The following IL34 variants were observed in gnomAD, a reference collection of about 807,000 sequenced individuals.
IL34 encodes the protein interleukin-34.
In IL34, 17 loss-of-function variants were observed where a neutral mutation model predicts 25.3. The ratio of observed to expected loss-of-function variants is 0.67; its 90% CI spans 0.46 to 1.01. The LOEUF is 1.01. Among genes scored for constraint, IL34 ranks in the 50% least tolerant of loss-of-function variants. The probability of loss-of-function intolerance (pLI) is 0.00; values close to 1 mark genes in which losing one functional copy is unlikely to be tolerated. For missense variants in IL34, 368 were observed against 312.9 expected, an observed-to-expected ratio of 1.18 and a Z score of -1.33; for synonymous variants, 174 against 140.9, an observed-to-expected ratio of 1.23 and a Z score of -1.66.
chr16:70,628,581 G>C (rs145536581), intron 1 of IL34, among the ~76,000 whole-genome samples: 3,121 of 151,552 alleles, frequency 0.021, 45 homozygotes, highest in Non-Finnish European at 0.029. Context: ...CCGGCTCGCG[G>C]GTTCAAGCGA....
At chr16:70,656,458 T>A in intron 2 of IL34, 144 bp from the exon 3 acceptor site, 1 of 668,676 alleles carries the variant, frequency 1.5e-6, no homozygotes, top group South Asian at 1.7e-5. Context: ...GGTCAAGGCT[T>A]CCGTGAGCCA....
chr16:70,589,833 G>T (rs1445473065), intron 1 of IL34, among the ~76,000 whole-genome samples: 2 of 152,130 alleles, frequency 1.3e-5, no homozygotes, highest in Non-Finnish European at 2.9e-5. Flanking sequence ...ATGTTGGCCA[G>T]GCTGGTCTTG....
chr16:70,651,100 T>A (rs1263738847), intron 1 of IL34, among the ~76,000 whole-genome samples: 1 of 151,640 alleles, frequency 6.6e-6, no homozygotes, highest in East Asian at 1.9e-4. Context: ...TAATCCCAGG[T>A]CATGAGTGAA....
chr16:70,657,644 G>C (rs1313850128), intron 4 of IL34, among the ~76,000 whole-genome samples: 1 of 152,062 alleles, frequency 6.6e-6, no homozygotes, highest in Non-Finnish European at 1.5e-5. Flanking sequence ...TCCTGGTGGT[G>C]GGCACCTGTT....
rs1555505795 is a variant in IL34 at position 70,646,735 on chromosome 16, CG to C, written c.-211del. The stretch of plus-strand genomic sequence containing the variant: ...CATGGGACTTGCGGCCACCGCCCCC[CG>C]GCTGTCCTCCACGCTGCCGGGCAGA... On this transcript the variant is annotated 5_prime_UTR_variant, in exon 1 of 6. An upstream open reading frame in the 5' UTR loses its in-frame stop. Transcript: ENST00000288098. 1.2e-5 allele frequency: 6 copies of C among 497,674 alleles called. No individual in the cohort carries two copies. The highest frequency in any genetic ancestry group is 2.0e-5 in the African/African-American group (1 of 49,230). 30.8% of individuals were successfully genotyped at this position (497,674 alleles called of 1,614,324 possible).
intron 2 of IL34, 84 bp downstream of exon 2, chr16:70,654,755 C>G: frequency 6.7e-7 from 1 of 1,486,368 alleles, no homozygotes; most frequent in Non-Finnish European, 9.1e-7. Flanking sequence ...CAGAGCCCTT[C>G]TTAGGACCTG....
chr16:70,649,913 C>G (rs892794708), intron 1 of IL34, among the ~76,000 whole-genome samples: 2 of 152,184 alleles, frequency 1.3e-5, no homozygotes. Flanking sequence ...ATTCTTGTGT[C>G]TCAGCCTCCC....
intron 1 of IL34, among the ~76,000 whole-genome samples, chr16:70,590,963 A>C (rs1189739082): frequency 6.6e-6 from 1 of 151,812 alleles, no homozygotes; most frequent in Non-Finnish European, 1.5e-5. Flanking sequence ...CTGCCTTCAC[A>C]CTGTCAGCGC....
chr16:70,597,698 A>G (rs1374614934), intron 1 of IL34, among the ~76,000 whole-genome samples: 3 of 152,340 alleles, frequency 2.0e-5, no homozygotes, highest in South Asian at 2.1e-4. Flanking sequence ...TGTACACTCT[A>G]TACAAATGTA....
intron 2 of IL34, 52 bp from the exon 3 acceptor site, chr16:70,656,550 C>T (rs1045099680): frequency 7.9e-6 from 7 of 885,040 alleles, no homozygotes; most frequent in Admixed American, 5.1e-5. Flanking sequence ...GTTGGGGAGC[C>T]TGCTGGTCAT....
At position 70,657,200 on chromosome 16, in the gene IL34, G is replaced by A. The variant is rs181465264; in HGVS notation, c.402+79G>A. On this transcript the variant is annotated intron_variant, in intron 4 of 5. Coordinates refer to ENST00000288098, the MANE Select transcript of IL34 (RefSeq NM_001393494.1). ...ACATGTGTGTGAGGTGTGGCCAAAG[G>A]CTAGTGAGGGAAAGGGTGAATACAC... The A allele has an allele frequency of 1.3e-3, 1,818 of 1,451,742 alleles. 5 individuals are homozygous for A. Among genetic ancestry groups the A allele is most frequent in the South Asian group, 3.7e-3 (293 of 78,214 alleles). The allele number at this position is 1,451,742 out of a possible 1,614,324, so 89.9% of individuals were successfully genotyped here.
intron 1 of IL34, among the ~76,000 whole-genome samples, chr16:70,649,984 C>T (rs1199846975): frequency 2.6e-5 from 4 of 151,898 alleles, no homozygotes; most frequent in South Asian, 2.1e-4. Context: ...TTTTTAGTAG[C>T]GATGGGGTTT....
At chr16:70,589,337 C>T (rs2151805651) in intron 1 of IL34, among the ~76,000 whole-genome samples, 1 of 152,190 alleles carries the variant, frequency 6.6e-6, no homozygotes, top group African/African-American at 2.4e-5. Context: ...TTTCATCACC[C>T]AGGAATTAAG....
intron 1 of IL34, among the ~76,000 whole-genome samples, chr16:70,593,757 C>G (rs917425073): frequency 1.1e-4 from 16 of 152,022 alleles, no homozygotes; most frequent in Non-Finnish European, 2.2e-4. Flanking sequence ...AGACTCCTGC[C>G]CTCAAGCAAT....
chr16:70,654,773 C>T, intron 2 of IL34, 102 bp downstream of exon 2: 1 of 1,400,268 alleles, frequency 7.1e-7, no homozygotes, highest in African/African-American at 1.4e-5. Flanking sequence ...CTGTGTCAGC[C>T]CTGAGCCGAC....
intron 1 of IL34, among the ~76,000 whole-genome samples, chr16:70,635,769 A>AT (rs1340738412): frequency 3.3e-5 from 5 of 152,322 alleles, no homozygotes; most frequent in South Asian, 2.1e-4. Context: ...TCCAAAACCC[A>AT]TTTTTTTACT....
intron 1 of IL34, among the ~76,000 whole-genome samples, chr16:70,651,141 A>G (rs77372714): frequency 0.12 from 17,488 of 151,770 alleles, 1,072 homozygotes; most frequent in East Asian, 0.19. Context: ...ACAGAGACCG[A>G]TGGGGGCTGA....
At chr16:70,658,546 A>G (rs774636698) in intron 4 of IL34, among the ~76,000 whole-genome samples, 1 of 151,458 alleles carries the variant, frequency 6.6e-6, no homozygotes, top group Non-Finnish European at 1.5e-5. Flanking sequence ...CAGTGGGGCA[A>G]TCTTGGCTCA....
chr16:70,630,640 C>T (rs2051498918), intron 1 of IL34, among the ~76,000 whole-genome samples: 1 of 150,774 alleles, frequency 6.6e-6, no homozygotes, highest in Non-Finnish European at 1.5e-5. Flanking sequence ...TCAGTGCAAT[C>T]ATGGCTCACT....
Sources: gnomAD v4.1 joint callset for allele counts (sites outside exome capture counted in the v4.1 genomes callset) on GRCh38, gnomAD v4.1.1 for gene constraint, MANE v1.5 for transcripts, NCBI Gene and HGNC (gene_info 2026-07-23, HGNC 2026-07-21) for gene names.